PLEKHA5: variants seen among roughly 807,000 people sequenced by gnomAD.
The protein encoded by PLEKHA5 is pleckstrin homology domain-containing family A member 5.
PLEKHA5 carries 55 observed loss-of-function variants against 181.9 expected under a neutral mutation model. The ratio of observed to expected loss-of-function variants is 0.30; its 90% CI spans 0.24 to 0.38. The LOEUF is 0.38. Among genes scored for constraint, PLEKHA5 ranks in the 10% least tolerant of loss-of-function variants. The pLI, the probability that PLEKHA5 is intolerant of heterozygous loss-of-function variation, is 1.00. For missense variants in PLEKHA5, 1,432 were observed against 1,549.5 expected, an observed-to-expected ratio of 0.92 and a Z score of 1.27; for synonymous variants, 535 against 529.4, an observed-to-expected ratio of 1.01 and a Z score of -0.15.
At chr12:19,276,372 T>A (rs940532005) in intron 11 of PLEKHA5, among the ~76,000 whole-genome samples, 1 of 152,198 alleles carries the variant, frequency 6.6e-6, no homozygotes, top group Non-Finnish European at 1.5e-5. Flanking sequence ...TTTGATGTGC[T>A]TGATTGCAAA....
intron 3 of PLEKHA5, among the ~76,000 whole-genome samples, chr12:19,141,334 T>A (rs1193077967): frequency 6.6e-6 from 1 of 152,216 alleles, no homozygotes; most frequent in Non-Finnish European, 1.5e-5. Context: ...ACATGCCTGT[T>A]CCTAGAGCAG....
chr12:19,224,937 G>A (rs2059485255), intron 3 of PLEKHA5, among the ~76,000 whole-genome samples: 1 of 152,110 alleles, frequency 6.6e-6, no homozygotes, highest in Non-Finnish European at 1.5e-5. Context: ...GGAGGTCAAG[G>A]CTATAGTGTG....
chr12:19,246,200 G>A (rs1022240458), intron 3 of PLEKHA5, among the ~76,000 whole-genome samples: 1 of 151,652 alleles, frequency 6.6e-6, no homozygotes, highest in Non-Finnish European at 1.5e-5. Flanking sequence ...TGATGGTCTC[G>A]AACTCTTGAC....
intron 3 of PLEKHA5, among the ~76,000 whole-genome samples, chr12:19,164,561 TTTC>T (rs2043828355): frequency 6.6e-6 from 1 of 152,172 alleles, no homozygotes; most frequent in Admixed American, 6.5e-5. Context: ...GATGTTAATC[TTTC>T]TTTCTTGGCA....
chr12:19,136,213 T>C (rs1386212334), intron 3 of PLEKHA5, among the ~76,000 whole-genome samples: 4 of 152,194 alleles, frequency 2.6e-5, no homozygotes, highest in Non-Finnish European at 4.4e-5. Flanking sequence ...AGATATTTAA[T>C]ACTTTTTTTC....
At chr12:19,171,277 A>G (rs1360011852) in intron 3 of PLEKHA5, among the ~76,000 whole-genome samples, 1 of 152,174 alleles carries the variant, frequency 6.6e-6, no homozygotes, top group Non-Finnish European at 1.5e-5. Context: ...CTTTGATGAA[A>G]GGACTGAGGA....
chr12:19,348,615 A>G lies in PLEKHA5; in HGVS notation c.3019+96A>G, dbSNP rs1592587643. On this transcript the variant is annotated intron_variant, in intron 25 of 31. Coordinates refer to ENST00000429027, the MANE Select transcript of PLEKHA5 (RefSeq NM_001256470.2). ...AAATTCCATTTACATGTTGACTCAT[A>G]TATGAGTCCAACCCTTTATCTGAAA... 6 of 874,228 alleles carry G rather than the reference A, an allele frequency of 6.9e-6. No individual in the cohort carries two copies. In the East Asian group the frequency reaches 8.3e-5, roughly 12 times the overall value. 54.2% of individuals were successfully genotyped at this position (874,228 alleles called of 1,614,324 possible).
At chr12:19,248,223 T>C (rs992925910) in intron 3 of PLEKHA5, among the ~76,000 whole-genome samples, 6 of 152,062 alleles carry the variant, frequency 3.9e-5, no homozygotes, top group African/African-American at 9.7e-5. Context: ...TAATCTTTAA[T>C]GCCATAGTTT....
intron 30 of PLEKHA5, among the ~76,000 whole-genome samples, chr12:19,367,838 G>T (rs1215495353): frequency 6.6e-6 from 1 of 150,616 alleles, no homozygotes; most frequent in Admixed American, 6.6e-5. Flanking sequence ...CGCCCGCCTC[G>T]GCCTCCCAAA....
chr12:19,326,735 A>C (rs533259434), intron 20 of PLEKHA5, among the ~76,000 whole-genome samples: 32 of 152,168 alleles, frequency 2.1e-4, no homozygotes, highest in Non-Finnish European at 3.8e-4. Flanking sequence ...CCCCACCCAC[A>C]GTAGTCCCCA....
intron 15 of PLEKHA5, among the ~76,000 whole-genome samples, chr12:19,306,118 C>T (rs548008146): frequency 6.6e-6 from 1 of 152,074 alleles, no homozygotes; most frequent in South Asian, 2.1e-4. Context: ...AAACAGACCT[C>T]AAAACTGCTG....
At chr12:19,245,723 CAAAAAAAAAAAAAAA>C (rs1177391924) in intron 3 of PLEKHA5, among the ~76,000 whole-genome samples, 10 of 50,904 alleles carry the variant, frequency 2.0e-4, no homozygotes, top group Admixed American at 6.8e-4. Flanking sequence ...GTGAGACTGT[CAAAAAAAAAAAAAAA>C]AAAAAAAAAA....
intron 29 of PLEKHA5, among the ~76,000 whole-genome samples, chr12:19,363,185 A>G (rs895815462): frequency 1.3e-5 from 2 of 149,650 alleles, no homozygotes; most frequent in Non-Finnish European, 3.0e-5. Flanking sequence ...CCCTGGCTGG[A>G]GTGCAATGGC....
chr12:19,358,645 A>G (rs1413091835), intron 27 of PLEKHA5, among the ~76,000 whole-genome samples: 1 of 152,160 alleles, frequency 6.6e-6, no homozygotes, highest in Non-Finnish European at 1.5e-5. Flanking sequence ...TACATGTTGG[A>G]TGCCCGTGGA....
At chr12:19,338,853 C>T (rs1174061018) in intron 21 of PLEKHA5, among the ~76,000 whole-genome samples, 1 of 148,096 alleles carries the variant, frequency 6.8e-6, no homozygotes, top group African/African-American at 2.5e-5. Flanking sequence ...CATTGCACTC[C>T]AGCCTGAGTG....
intron 15 of PLEKHA5, among the ~76,000 whole-genome samples, chr12:19,305,398 T>C (rs778353145): frequency 2.0e-5 from 3 of 151,420 alleles, no homozygotes; most frequent in Non-Finnish European, 4.4e-5. Flanking sequence ...CCGTCTCTAC[T>C]AAAAATACAA....
Position 19,129,844 on chromosome 12 carries a change from C to T in PLEKHA5, c.45C>T (p.Ser15=). The T allele has an allele frequency of 6.2e-7, 1 of 1,607,626 alleles. No homozygotes were observed. The highest frequency in any genetic ancestry group is 1.1e-5 in the South Asian group (1 of 90,508). Reference sequence around the variant, plus strand: ...TGGAGTGGATCTCCCTGCCCCGGTCCTGGACTTACGGGATCACCAGGGGCG... The same window carrying T: ...TGGAGTGGATCTCCCTGCCCCGGTCTTGGACTTACGGGATCACCAGGGGCG... ...LNLEWISLPR[S]WTYGITRGGR... The change falls in exon 1 of 32, where the codon TCC becomes TCT. Residue 15 remains serine (S), a synonymous_variant. Coordinates refer to ENST00000429027, the MANE Select transcript of PLEKHA5 (RefSeq NM_001256470.2).
chr12:19,171,370 C>A (rs1591913281), intron 3 of PLEKHA5, among the ~76,000 whole-genome samples: 1 of 152,052 alleles, frequency 6.6e-6, no homozygotes, highest in Non-Finnish European at 1.5e-5. Flanking sequence ...GACACTCATA[C>A]CCTGTAAAAA....
At chr12:19,321,360 CTTTT>C (rs1158507411) in intron 18 of PLEKHA5, among the ~76,000 whole-genome samples, 21 of 24,206 alleles carry the variant, frequency 8.7e-4, no homozygotes, top group Non-Finnish European at 1.7e-3. Context: ...CTTTTCTTTT[CTTTT>C]TTTTTTTTTT....
Sources: gnomAD v4.1 joint callset for allele counts (sites outside exome capture counted in the v4.1 genomes callset) on GRCh38, gnomAD v4.1.1 for gene constraint, MANE v1.5 for transcripts, NCBI Gene and HGNC (gene_info 2026-07-23, HGNC 2026-07-21) for gene names.